LNX1: variants seen among roughly 807,000 people sequenced by gnomAD.
LNX1 encodes ligand of numb-protein X 1, also known as E3 ubiquitin-protein ligase LNX.
A neutral mutation model predicts 68.4 loss-of-function variants in LNX1; 54 were observed. The observed-to-expected ratio is 0.79, with a 90% confidence interval of 0.63 to 0.99. LNX1 has a LOEUF of 0.99. LNX1 is among the 50% of genes least tolerant of loss of function. LNX1 has a pLI of 0.00. For missense variants in LNX1, 906 were observed against 926.4 expected, an observed-to-expected ratio of 0.98 and a Z score of 0.29; for synonymous variants, 336 against 350.0, an observed-to-expected ratio of 0.96 and a Z score of 0.45.
In LNX1 at chr4:53,575,559, C is replaced by G. The variant is rs966189355; in HGVS notation, c.-86-1471G>C. On this transcript the variant is annotated intron_variant, in intron 1 of 10. Transcript: ENST00000263925. ...CACACACACAAGTAGGAGCCCAGTG[C>G]AAACTAGGGCTCTGGGTCAACTTTC... 10 of 985,254 alleles carry G rather than the reference C, an allele frequency of 1.0e-5. No individual in the cohort carries two copies. The Admixed American group carries it at 1.8e-4, about 18-fold the overall frequency. The allele number at this position is 985,254 out of a possible 1,614,324, so 61.0% of individuals were successfully genotyped here. A position where few individuals can be genotyped will look rare whatever the true frequency, so the allele number is the denominator to read the frequency against.
At chr4:53,551,460 G>A (rs560936026) in intron 2 of LNX1, among the ~76,000 whole-genome samples, 5 of 152,232 alleles carry the variant, frequency 3.3e-5, no homozygotes, top group South Asian at 2.1e-4. Flanking sequence ...TCAAGCATGC[G>A]CACTAAGAGG....
At chr4:53,482,027 G>C (rs756880177) in intron 6 of LNX1, among the ~76,000 whole-genome samples, 173 bp from the exon 7 acceptor site, 1 of 152,214 alleles carries the variant, frequency 6.6e-6, no homozygotes, top group Non-Finnish European at 1.5e-5. Context: ...AAGAGCATGA[G>C]AGCTCTTTCC....
intron 4 of LNX1, among the ~76,000 whole-genome samples, chr4:53,502,162 A>T (rs561434283): frequency 2.0e-5 from 3 of 152,312 alleles, no homozygotes; most frequent in Admixed American, 2.0e-4. Context: ...ATATGCTGGC[A>T]TTGAGCTAAG....
At chr4:53,610,586 T>C (rs1298480252) in intron 2 of LNX1, among the ~76,000 whole-genome samples, 11 of 151,942 alleles carry the variant, frequency 7.2e-5, no homozygotes, top group African/African-American at 4.8e-5. Flanking sequence ...TGGGCACCTG[T>C]AGTCCCAGCT....
chr4:53,474,826 G>A (rs1454096094), intron 9 of LNX1, among the ~76,000 whole-genome samples: 1 of 152,080 alleles, frequency 6.6e-6, no homozygotes, highest in East Asian at 1.9e-4. Flanking sequence ...GAGTGCAGTG[G>A]CGCGATCTCA....
chr4:53,542,787 T>C (rs2109665087), intron 2 of LNX1, among the ~76,000 whole-genome samples: 1 of 152,300 alleles, frequency 6.6e-6, no homozygotes, highest in Middle Eastern at 3.4e-3. Flanking sequence ...TGCAATTGCA[T>C]TTAAATCTGT....
chr4:53,470,483 T>C (rs936992737), intron 9 of LNX1, among the ~76,000 whole-genome samples: 10 of 152,206 alleles, frequency 6.6e-5, no homozygotes, highest in Non-Finnish European at 1.5e-4. Context: ...TTGGAAGTTC[T>C]GGCCAGGGCA....
chr4:53,593,402 C>T (rs1732602781), upstream of LNX1, among the ~76,000 whole-genome samples: 1 of 152,140 alleles, frequency 6.6e-6, no homozygotes, highest in Admixed American at 6.5e-5. Flanking sequence ...GAAATGAATT[C>T]GCATAAAGCT....
At chr4:53,463,727 G>A (rs1337315728) in intron 9 of LNX1, among the ~76,000 whole-genome samples, 2 of 152,102 alleles carry the variant, frequency 1.3e-5, no homozygotes, top group Non-Finnish European at 2.9e-5. Flanking sequence ...CAAATTTAAT[G>A]AAATGAGTTA....
chr4:53,487,885 A>G (rs1724415647), intron 6 of LNX1, among the ~76,000 whole-genome samples: 1 of 152,230 alleles, frequency 6.6e-6, no homozygotes, highest in South Asian at 2.1e-4. Flanking sequence ...GTTTGGCTTT[A>G]AATGATTTTT....
At chr4:53,521,529 T>C (rs17082944) in intron 2 of LNX1, among the ~76,000 whole-genome samples, 1,588 of 152,300 alleles carry the variant, frequency 0.01, 32 homozygotes, top group East Asian at 0.099. Context: ...CATGCAAAGA[T>C]AGCTGGTTCC....
chr4:53,534,156 A>G (rs1728207760), intron 2 of LNX1, among the ~76,000 whole-genome samples: 1 of 152,212 alleles, frequency 6.6e-6, no homozygotes, highest in South Asian at 2.1e-4. Context: ...CCCATGGAGA[A>G]GGGGGCAGGG....
intron 6 of LNX1, among the ~76,000 whole-genome samples, chr4:53,494,286 T>C (rs532676028): frequency 2.2e-4 from 33 of 152,312 alleles, no homozygotes; most frequent in African/African-American, 7.9e-4. Context: ...AAGACTGGCC[T>C]TTCACCTTCT....
At chr4:53,479,409 G>A (rs1280872290) in intron 7 of LNX1, among the ~76,000 whole-genome samples, 2 of 152,238 alleles carry the variant, frequency 1.3e-5, no homozygotes, top group Non-Finnish European at 2.9e-5. Context: ...AGCAAGAGAT[G>A]TTTAGTTGTG....
At chr4:53,577,580 C>G (rs1415650609) in intron 1 of LNX1, among the ~76,000 whole-genome samples, 1 of 152,042 alleles carries the variant, frequency 6.6e-6, no homozygotes. Flanking sequence ...TCTGCCATTA[C>G]TATTATTATT....
At chr4:53,614,351 A>G (rs551202264) in intron 2 of LNX1, among the ~76,000 whole-genome samples, 1 of 152,148 alleles carries the variant, frequency 6.6e-6, no homozygotes, top group Non-Finnish European at 1.5e-5. Flanking sequence ...ACACCATTTC[A>G]TCTCACAAAC....
intron 2 of LNX1, among the ~76,000 whole-genome samples, chr4:53,610,768 A>C (rs1733458593): frequency 6.6e-6 from 1 of 151,638 alleles, no homozygotes; most frequent in Non-Finnish European, 1.5e-5. Context: ...AGAAATTAGA[A>C]GAAGAATAAA....
In LNX1 at chr4:53,496,391, T is replaced by C; in HGVS notation, c.982A>G (p.Asn328Asp). The C allele has an allele frequency of 1.9e-6, 3 of 1,601,344 alleles. No homozygotes were observed. The highest frequency in any genetic ancestry group is 2.6e-6 in the Non-Finnish European group (3 of 1,171,896). Residue 328 changes from asparagine to aspartate, a missense_variant, in exon 6 of 11, where the codon AAC becomes GAC. Transcript: ENST00000263925. ...GGGACATTGCTGATGTCCATCCCGTTGACCTGGGGGCAGGTGGAACAATCG... is the reference window on the plus strand; with the variant it reads ...GGGACATTGCTGATGTCCATCCCGTCGACCTGGGGGCAGGTGGAACAATCG... ...LLPGDIILKV[N>D]GMDISNVPHN... is the part of the protein sequence containing the mutation.
intron 1 of LNX1, among the ~76,000 whole-genome samples, chr4:53,638,987 T>C (rs1280508735): frequency 6.6e-6 from 1 of 152,128 alleles, no homozygotes; most frequent in Admixed American, 6.5e-5. Context: ...ATTACAGATA[T>C]ATATCCAAAA....
Sources: gnomAD v4.1 joint callset for allele counts (sites outside exome capture counted in the v4.1 genomes callset) on GRCh38, gnomAD v4.1.1 for gene constraint, MANE v1.5 for transcripts, NCBI Gene and HGNC (gene_info 2026-07-23, HGNC 2026-07-21) for gene names.